Variants in ENTREP2 observed in about 807,000 individuals in gnomAD.
ENTREP2 encodes the protein protein ENTREP2.
chr15:29,547,392 T>A, the ENTREP2 span, among the ~76,000 whole-genome samples: 1 of 152,070 alleles, frequency 6.6e-6, no homozygotes, highest in East Asian at 1.9e-4. Context: ...CTGGCCCACA[T>A]TGATTCTATT....
At chr15:29,428,397 C>T in the ENTREP2 span, among the ~76,000 whole-genome samples, 1 of 151,900 alleles carries the variant, frequency 6.6e-6, no homozygotes, top group Non-Finnish European at 1.5e-5. Flanking sequence ...GGATTTTTAG[C>T]AGAGATGGGG....
At chr15:29,166,261 CAA>C in the ENTREP2 span, among the ~76,000 whole-genome samples, 27 of 152,236 alleles carry the variant, frequency 1.8e-4, no homozygotes, top group African/African-American at 6.0e-4. Context: ...AGAACTGAAA[CAA>C]GACAAGGATG....
chr15:29,138,637 ATATGTG>A, the ENTREP2 span, among the ~76,000 whole-genome samples: 11 of 150,526 alleles, frequency 7.3e-5, no homozygotes, highest in African/African-American at 2.0e-4. Context: ...GTGCATGTGT[ATATGTG>A]TATGTGTATG....
At chr15:29,118,202 C>A in the ENTREP2 span, 1 of 152,626 alleles carries the variant, frequency 6.6e-6, no homozygotes, top group Non-Finnish European at 1.5e-5. Context: ...AGCCTTACCA[C>A]GCAGTAACTA....
At chr15:29,473,783 T>C in the ENTREP2 span, among the ~76,000 whole-genome samples, 1 of 152,212 alleles carries the variant, frequency 6.6e-6, no homozygotes, top group Non-Finnish European at 1.5e-5. Context: ...TGCTGGCAAA[T>C]TGACCTCAGG....
chr15:29,576,933 G>A, the ENTREP2 span, among the ~76,000 whole-genome samples: 2 of 151,930 alleles, frequency 1.3e-5, no homozygotes, highest in Non-Finnish European at 2.9e-5. Context: ...TCAGCCTCCC[G>A]AGTAGCTGGG....
chr15:29,660,552 A>G, the ENTREP2 span, among the ~76,000 whole-genome samples: 1 of 152,162 alleles, frequency 6.6e-6, no homozygotes, highest in Non-Finnish European at 1.5e-5. Context: ...TACCTTTCAG[A>G]TGTGTATCTT....
At chr15:29,338,191 AG>A in the ENTREP2 span, among the ~76,000 whole-genome samples, 1,244 of 152,116 alleles carry the variant, frequency 8.2e-3, 13 homozygotes, top group African/African-American at 0.028. Context: ...TCCACTGATA[AG>A]GGACAGTTTA....
At chr15:29,625,434 C>T in the ENTREP2 span, among the ~76,000 whole-genome samples, 1 of 152,154 alleles carries the variant, frequency 6.6e-6, no homozygotes, top group African/African-American at 2.4e-5. Context: ...CTGGCTCTGT[C>T]GCTCAGGCTG....
chr15:29,597,412 T>C, the ENTREP2 span, among the ~76,000 whole-genome samples: 1 of 151,746 alleles, frequency 6.6e-6, no homozygotes, highest in South Asian at 2.1e-4. Flanking sequence ...CTACTAAAAA[T>C]ACAAAATTAG....
At chr15:29,656,022 T>C in the ENTREP2 span, among the ~76,000 whole-genome samples, 2 of 100,400 alleles carry the variant, frequency 2.0e-5, no homozygotes, top group Non-Finnish European at 2.1e-5. Context: ...ACACTCCGTT[T>C]AAAAAAAAAA....
the ENTREP2 span, among the ~76,000 whole-genome samples, chr15:29,587,384 G>C: frequency 0.51 from 76,651 of 151,782 alleles, 21,688 homozygotes; most frequent in Non-Finnish European, 0.65. Context: ...GATGACAAAA[G>C]GGTTCAGGAG....
chr15:29,511,339 C>CTTT, the ENTREP2 span, among the ~76,000 whole-genome samples: 10,060 of 93,320 alleles, frequency 0.11, 413 homozygotes, highest in African/African-American at 0.12. Flanking sequence ...CTTCTTTTTT[C>CTTT]TTTTCTTTTT....
the ENTREP2 span, among the ~76,000 whole-genome samples, chr15:29,674,131 G>GGGC: frequency 1.4e-5 from 2 of 139,362 alleles, no homozygotes; most frequent in Non-Finnish European, 1.5e-5. Context: ...CAGAGGATGG[G>GGGC]GGGGGGGGGG....
the ENTREP2 span, among the ~76,000 whole-genome samples, chr15:29,608,653 C>T: frequency 2.6e-5 from 4 of 151,656 alleles, no homozygotes; most frequent in East Asian, 5.8e-4. Context: ...CTCCCAGGTT[C>T]GCCTCCCAGG....
At chr15:29,380,688 T>G in the ENTREP2 span, among the ~76,000 whole-genome samples, 1 of 152,110 alleles carries the variant, frequency 6.6e-6, no homozygotes, top group Non-Finnish European at 1.5e-5. Context: ...TTCAAGTAAC[T>G]CTTTTTATTT....
chr15:29,551,882 G>A, the ENTREP2 span, among the ~76,000 whole-genome samples: 1 of 152,096 alleles, frequency 6.6e-6, no homozygotes, highest in Non-Finnish European at 1.5e-5. Flanking sequence ...TAACAGAAGG[G>A]AAAGAGCTGA....
At chr15:29,654,659 C>A in the ENTREP2 span, among the ~76,000 whole-genome samples, 1 of 152,140 alleles carries the variant, frequency 6.6e-6, no homozygotes, top group Non-Finnish European at 1.5e-5. Flanking sequence ...CCTTATCTTG[C>A]AGTATACAAA....
the ENTREP2 span, among the ~76,000 whole-genome samples, chr15:29,166,659 A>G: frequency 6.6e-6 from 1 of 152,170 alleles, no homozygotes; most frequent in Non-Finnish European, 1.5e-5. Flanking sequence ...CACTGCTGAA[A>G]GTAATCATAA....
Sources: allele counts gnomAD v4.1 joint callset (sites outside exome capture counted in the v4.1 genomes callset), GRCh38; gene constraint gnomAD v4.1.1; transcripts MANE v1.5; gene names NCBI Gene and HGNC (gene_info 2026-07-23, HGNC 2026-07-21).